LYZL1: variants seen among roughly 807,000 people sequenced by gnomAD.
LYZL1 encodes the protein lysozyme-like protein 1.
LYZL1 carries 16 observed loss-of-function variants against 17.9 expected under a neutral mutation model. The ratio of observed to expected loss-of-function variants is 0.90; its 90% CI spans 0.61 to 1.36. LYZL1 has a LOEUF of 1.36. Ranked by LOEUF, LYZL1 falls within the 40% of genes most tolerant of loss-of-function variation. LYZL1 has a pLI of 0.00. For missense variants in LYZL1, 149 were observed against 188.4 expected (o/e 0.79, Z 1.22); for synonymous variants, 58 against 71.8 (o/e 0.81, Z 0.97).
At chr10:29,296,139 C>T (rs1322363433) in intron 3 of LYZL1, among the ~76,000 whole-genome samples, 1 of 152,152 alleles carries the variant, frequency 6.6e-6, no homozygotes, top group Non-Finnish European at 1.5e-5. Flanking sequence ...TCTCCTCCCT[C>T]TTGGTGTCCT....
intron 2 of LYZL1, 109 bp downstream of exon 2, chr10:29,292,115 C>T (rs189092694): frequency 7.8e-6 from 11 of 1,409,824 alleles, no homozygotes; most frequent in Middle Eastern, 2.3e-4. Context: ...CCTGCTCTGC[C>T]CTCACCGCAC....
chr10:29,294,931 T>C (rs908501941), intron 3 of LYZL1, among the ~76,000 whole-genome samples: 14 of 152,212 alleles, frequency 9.2e-5, no homozygotes, highest in Admixed American at 2.6e-4. Context: ...AACAATATAC[T>C]GTAATAAAAA....
chr10:29,313,977 G>A (rs1263406603), downstream of LYZL1, among the ~76,000 whole-genome samples: 1 of 152,184 alleles, frequency 6.6e-6, no homozygotes, highest in African/African-American at 2.4e-5. Flanking sequence ...CCAGCATCTG[G>A]CTCTTTGAAT....
intron 2 of LYZL1, among the ~76,000 whole-genome samples, 184 bp from the exon 3 acceptor site, chr10:29,292,335 G>A (rs1835380332): frequency 6.6e-6 from 1 of 151,948 alleles, no homozygotes; most frequent in South Asian, 2.1e-4. Context: ...ACAGCTTCAG[G>A]TGTGCCATCC....
rs1772998387 is a variant in LYZL1 at position 29,310,166 on chromosome 10, G to A, written c.355G>A (p.Glu119Lys). Residue 119 changes from glutamate to lysine, a missense_variant, in exon 4 of 5, where the codon GAG becomes AAG. Transcript: ENST00000649382. Reference sequence around the variant, plus strand: ...TATCTGTGCCAGGAAAATTGTTAAAGAGACACAAGGAATGAACTATTGGTA... The same window carrying A: ...TATCTGTGCCAGGAAAATTGTTAAAAAGACACAAGGAATGAACTATTGGTA... ...AIICARKIVK[E>K]TQGMNYWQGW... 6.2e-7 allele frequency: 1 copy of A among 1,610,182 alleles called. No homozygotes were observed. Among genetic ancestry groups the A allele is most frequent in the African/African-American group, 1.3e-5 (1 of 74,834 alleles).
chr10:29,297,472 A>G (rs1169296709), intron 3 of LYZL1, among the ~76,000 whole-genome samples: 1 of 152,208 alleles, frequency 6.6e-6, no homozygotes, highest in Non-Finnish European at 1.5e-5. Context: ...GTGTGACTCA[A>G]AAGTATTAAA....
chr10:29,300,718 G>A (rs1036643260), intron 3 of LYZL1, among the ~76,000 whole-genome samples: 2 of 152,070 alleles, frequency 1.3e-5, no homozygotes, highest in Non-Finnish European at 2.9e-5. Flanking sequence ...CTACTGGCAA[G>A]CATTTTCTCT....
chr10:29,305,418 C>T (rs1220592855), intron 3 of LYZL1, among the ~76,000 whole-genome samples: 5 of 152,176 alleles, frequency 3.3e-5, no homozygotes, highest in Non-Finnish European at 7.4e-5. Flanking sequence ...AGCCCCCTAT[C>T]AGAATACAGG....
chr10:29,293,782 G>T (rs2132816541), intron 3 of LYZL1, among the ~76,000 whole-genome samples: 1 of 152,122 alleles, frequency 6.6e-6, no homozygotes, highest in South Asian at 2.1e-4. Flanking sequence ...AGACCAGCCT[G>T]ACCAACACGG....
At chr10:29,293,134 C>CTTT (rs11453474) in intron 3 of LYZL1, among the ~76,000 whole-genome samples, 12 of 121,022 alleles carry the variant, frequency 9.9e-5, no homozygotes, top group South Asian at 2.7e-4. Flanking sequence ...TTTCTTTTTT[C>CTTT]TTTTTTTTTT....
In LYZL1 at chr10:29,310,136, G is replaced by A. The variant is rs1835650883; in HGVS notation, c.325G>A (p.Ala109Thr). 6.2e-7 allele frequency: 1 copy of A among 1,612,024 alleles called. No individual in the cohort carries two copies. The highest frequency in any genetic ancestry group is 8.5e-7 in the Non-Finnish European group (1 of 1,178,194). ...SALITDDLTD[A>T]IICARKIVKE... is the part of the protein sequence containing the mutation. ...CTTGATCACTGATGACCTCACAGAT[G>A]CAATTATCTGTGCCAGGAAAATTGT... is the stretch of plus-strand genomic sequence containing the variant. The change falls in exon 4 of 5, where the codon GCA (alanine) becomes ACA (threonine). Residue 109 changes from alanine to threonine, a missense_variant. Transcript: ENST00000649382.
chr10:29,312,470 C>T (rs1835685227), downstream of LYZL1, among the ~76,000 whole-genome samples: 1 of 151,994 alleles, frequency 6.6e-6, no homozygotes, highest in South Asian at 2.1e-4. Context: ...CAATATGGCC[C>T]AGGGAAGCCA....
intron 3 of LYZL1, among the ~76,000 whole-genome samples, chr10:29,294,930 C>T (rs537149814): frequency 6.6e-6 from 1 of 152,218 alleles, no homozygotes; most frequent in African/African-American, 2.4e-5. Flanking sequence ...TAACAATATA[C>T]TGTAATAAAA....
intron 3 of LYZL1, among the ~76,000 whole-genome samples, chr10:29,316,956 G>A (rs774885960): frequency 2.6e-5 from 4 of 152,018 alleles, no homozygotes; most frequent in Non-Finnish European, 5.9e-5. Context: ...GGGCTCAAGC[G>A]ATCCTCCCAC....
intron 1 of LYZL1, among the ~76,000 whole-genome samples, chr10:29,290,872 T>C (rs1224472130): frequency 1.4e-5 from 2 of 147,836 alleles, no homozygotes; most frequent in Non-Finnish European, 3.0e-5. Context: ...GCACTGATAC[T>C]TTGGAAGCAA....
At chr10:29,316,536 G>A (rs1417880003) in intron 3 of LYZL1, among the ~76,000 whole-genome samples, 1 of 152,132 alleles carries the variant, frequency 6.6e-6, no homozygotes, top group African/African-American at 2.4e-5. Flanking sequence ...TTTGAATGGA[G>A]ACATTGTTTT....
chr10:29,295,184 G>A (rs146950738), intron 3 of LYZL1, among the ~76,000 whole-genome samples: 45 of 152,260 alleles, frequency 3.0e-4, no homozygotes, highest in Non-Finnish European at 5.0e-4. Context: ...TAGATCTCCC[G>A]ATTGTTGGTC....
chr10:29,313,088 G>A (rs1835691683), downstream of LYZL1, among the ~76,000 whole-genome samples: 1 of 152,072 alleles, frequency 6.6e-6, no homozygotes, highest in African/African-American at 2.4e-5. Flanking sequence ...GAGGCTTTAA[G>A]AACGCCTAAC....
chr10:29,310,222 A>G (rs777325031), intron 4 of LYZL1, 34 bp downstream of exon 4: 2 of 1,496,176 alleles, frequency 1.3e-6, no homozygotes, highest in Admixed American at 1.7e-5. Context: ...TTGTGCTGTC[A>G]TGGGCAAAAC....
Sources: gnomAD v4.1 joint callset for allele counts (sites outside exome capture counted in the v4.1 genomes callset) on GRCh38, gnomAD v4.1.1 for gene constraint, MANE v1.5 for transcripts, NCBI Gene and HGNC (gene_info 2026-07-23, HGNC 2026-07-21) for gene names.